EYS: variants seen among roughly 807,000 people sequenced by gnomAD.
EYS encodes the protein protein eyes shut homolog.
Under a neutral mutation model 282.1 loss-of-function variants are expected in EYS, and 250 were observed. That is an observed-to-expected ratio of 0.89 (90% CI 0.80 to 0.98). The LOEUF is 0.98. Among genes scored for constraint, EYS ranks in the 50% least tolerant of loss-of-function variants. The pLI is 0.00. For synonymous variants in EYS, 1,355 were observed against 1,282.9 expected (o/e 1.06, Z -1.20); for missense variants, 4,016 against 3,709.0 (o/e 1.08, Z -2.15).
intron 22 of EYS, among the ~76,000 whole-genome samples, chr6:64,705,765 G>T (rs1046197839): frequency 1.9e-4 from 27 of 144,774 alleles, no homozygotes; most frequent in Middle Eastern, 3.5e-3. Flanking sequence ...CTCATAGGTG[G>T]GAATTGAACA....
chr6:65,314,015 C>A (rs1273201032), intron 11 of EYS, among the ~76,000 whole-genome samples: 1 of 152,126 alleles, frequency 6.6e-6, no homozygotes, highest in East Asian at 1.9e-4. Context: ...GCCTTGCTGA[C>A]CTTGCTGTTT....
At chr6:64,162,948 G>A (rs1166324487) in intron 31 of EYS, among the ~76,000 whole-genome samples, 1 of 152,086 alleles carries the variant, frequency 6.6e-6, no homozygotes, top group African/African-American at 2.4e-5. Context: ...TGTTTAGTGA[G>A]TGCTGTTCTG....
At chr6:65,356,424 T>C (rs1159794432) in intron 8 of EYS, among the ~76,000 whole-genome samples, 2 of 151,994 alleles carry the variant, frequency 1.3e-5, no homozygotes, top group Non-Finnish European at 2.9e-5. Flanking sequence ...TTGAGAGAGA[T>C]GAGCTGATAA....
intron 31 of EYS, among the ~76,000 whole-genome samples, chr6:64,107,665 T>C (rs558465844): frequency 3.3e-4 from 50 of 152,158 alleles, no homozygotes; most frequent in Admixed American, 1.2e-3. Flanking sequence ...TTAAATCCAA[T>C]CAAGTTGACA....
At chr6:64,004,549 C>T (rs879017921) in intron 33 of EYS, among the ~76,000 whole-genome samples, 1 of 151,870 alleles carries the variant, frequency 6.6e-6, no homozygotes, top group Non-Finnish European at 1.5e-5. Flanking sequence ...TAGATTATTT[C>T]ATCACCCAGG....
chr6:63,833,543 C>A (rs1410151112), intron 36 of EYS, among the ~76,000 whole-genome samples: 1 of 152,122 alleles, frequency 6.6e-6, no homozygotes, highest in Non-Finnish European at 1.5e-5. Flanking sequence ...TAAACCACTG[C>A]TCAACAAAAC....
intron 7 of EYS, among the ~76,000 whole-genome samples, chr6:65,388,088 A>G (rs1453643378): frequency 6.6e-6 from 1 of 152,068 alleles, no homozygotes; most frequent in Admixed American, 6.6e-5. Context: ...ACTACTTCAT[A>G]TGATGAATTT....
intron 5 of EYS, among the ~76,000 whole-genome samples, chr6:65,456,045 G>GAA (rs1562195425): frequency 7.8e-6 from 1 of 128,376 alleles, no homozygotes. Flanking sequence ...AAGAAAGAAA[G>GAA]AGAAAGAAAG....
At chr6:65,549,071 A>C (rs1293252983) in intron 2 of EYS, among the ~76,000 whole-genome samples, 1 of 152,158 alleles carries the variant, frequency 6.6e-6, no homozygotes, top group African/African-American at 2.4e-5. Flanking sequence ...CTGACCTGAC[A>C]GGAGGCAAAG....
intron 26 of EYS, among the ~76,000 whole-genome samples, chr6:64,531,573 A>G (rs1158813792): frequency 6.8e-6 from 1 of 147,066 alleles, no homozygotes; most frequent in Non-Finnish European, 1.5e-5. Context: ...ATTTTATTTT[A>G]TTTTATTTTA....
At chr6:64,023,669 T>C (rs981760291) in intron 33 of EYS, among the ~76,000 whole-genome samples, 1 of 152,252 alleles carries the variant, frequency 6.6e-6, no homozygotes. Context: ...GGGCTCCCAC[T>C]TTGGCGGCAC....
intron 26 of EYS, among the ~76,000 whole-genome samples, chr6:64,521,833 T>G (rs1029986691): frequency 3.3e-5 from 5 of 151,828 alleles, no homozygotes; most frequent in African/African-American, 7.2e-5. Context: ...TGTTCACTTA[T>G]CCATGCAGCA....
intron 12 of EYS, among the ~76,000 whole-genome samples, chr6:65,191,096 C>T (rs1765631310): frequency 6.6e-6 from 1 of 151,810 alleles, no homozygotes; most frequent in African/African-American, 2.4e-5. Flanking sequence ...GAAGCTTCTA[C>T]AATCTTGTCT....
At chr6:65,439,909 G>A (rs1768243227) in intron 5 of EYS, among the ~76,000 whole-genome samples, 1 of 152,040 alleles carries the variant, frequency 6.6e-6, no homozygotes, top group Non-Finnish European at 1.5e-5. Flanking sequence ...AGACAAATGA[G>A]TGAACAGTTC....
At chr6:64,774,016 C>T (rs1384850274) in intron 22 of EYS, among the ~76,000 whole-genome samples, 1 of 151,908 alleles carries the variant, frequency 6.6e-6, no homozygotes, top group East Asian at 1.9e-4. Flanking sequence ...GATCCTATGT[C>T]CAGATAATGA....
chr6:65,356,309 T>A (rs1054086860), intron 8 of EYS, among the ~76,000 whole-genome samples: 1 of 152,042 alleles, frequency 6.6e-6, no homozygotes, highest in Non-Finnish European at 1.5e-5. Flanking sequence ...TTTTTTAAAC[T>A]AAGAATATCA....
intron 35 of EYS, among the ~76,000 whole-genome samples, chr6:63,944,769 A>C (rs1023606871): frequency 2.0e-5 from 3 of 151,942 alleles, no homozygotes; most frequent in African/African-American, 7.3e-5. Flanking sequence ...CTACTAAAAA[A>C]ATAAAAATAA....
At chr6:64,819,432 C>A (rs115388229) in intron 21 of EYS, among the ~76,000 whole-genome samples, 1,794 of 151,978 alleles carry the variant, frequency 0.012, 35 homozygotes, top group African/African-American at 0.04. Context: ...GAAACAGAAT[C>A]GTCCAAAAAC....
At chr6:64,428,413 A>G (rs531859171) in intron 28 of EYS, among the ~76,000 whole-genome samples, 28 of 152,270 alleles carry the variant, frequency 1.8e-4, no homozygotes, top group Admixed American at 5.2e-4. Context: ...ATTACAGCTG[A>G]GTCAAGTGAA....
Sources: gnomAD v4.1 joint callset for allele counts (sites outside exome capture counted in the v4.1 genomes callset) on GRCh38, gnomAD v4.1.1 for gene constraint, MANE v1.5 for transcripts, NCBI Gene and HGNC (gene_info 2026-07-23, HGNC 2026-07-21) for gene names.